SNRPF: variants seen among roughly 807,000 people sequenced by gnomAD.
SNRPF encodes small nuclear ribonucleoprotein F.
Under a neutral mutation model 13.4 loss-of-function variants are expected in SNRPF, and 1 was observed. That is an observed-to-expected ratio of 0.07 (90% confidence interval 0.03 to 0.35). SNRPF has a LOEUF of 0.35. SNRPF is among the 10% of genes least tolerant of loss of function. The pLI, the probability that SNRPF is intolerant of heterozygous loss-of-function variation, is 0.99. For synonymous variants in SNRPF, 27 were observed against 32.1 expected (o/e 0.84, Z 0.54); for missense variants, 53 against 101.0 (o/e 0.52, Z 2.04).
chr12:95,862,632 A>G (rs1250313419), intron 2 of SNRPF, among the ~76,000 whole-genome samples: 1 of 152,110 alleles, frequency 6.6e-6, no homozygotes, highest in African/African-American at 2.4e-5. Flanking sequence ...TGGGAGGATT[A>G]CCTGAGCCTG....
At position 95,866,086 on chromosome 12, in the gene SNRPF, GA is replaced by G. The variant is rs2079519955; in HGVS notation, c.*16del. ...TGAGAGAATAGCATCTTTTGTGGGG[GA>G]TTTTTTTTATATATATTTCTAGACA... On this transcript the variant is annotated 3_prime_UTR_variant, in exon 4 of 4. Transcript: ENST00000266735. The G allele has an allele frequency of 7.6e-7, 1 of 1,322,920 alleles. No individual in the cohort carries two copies. 81.9% of individuals were successfully genotyped at this position (1,322,920 alleles called of 1,614,324 possible).
At chr12:95,860,635 G>A (rs969378083) in intron 1 of SNRPF, among the ~76,000 whole-genome samples, 2 of 152,062 alleles carry the variant, frequency 1.3e-5, no homozygotes, top group Admixed American at 6.6e-5. Flanking sequence ...ATAGCTCACT[G>A]CAGCCTCGAG....
In SNRPF at chr12:95,865,189, T is replaced by C. The variant is rs1411743591; in HGVS notation, c.130-135T>C. The C allele has an allele frequency of 6.9e-6, 3 of 435,642 alleles. No homozygotes were observed. In the East Asian group the frequency reaches 1.0e-4, roughly 15 times the overall value. The allele number at this position is 435,642 out of a possible 1,614,324, so 27.0% of individuals were successfully genotyped here. Reference sequence around the variant, plus strand: ...CAATAGTAATAGAAAGCTCATCTTCTGTTTATTAATTATAGATAAATTTGA... The same window carrying C: ...CAATAGTAATAGAAAGCTCATCTTCCGTTTATTAATTATAGATAAATTTGA... On this transcript the variant is annotated intron_variant, in intron 2 of 3. Transcript: ENST00000266735.
intron 1 of SNRPF, among the ~76,000 whole-genome samples, chr12:95,859,778 G>T (rs1592744884): frequency 1.3e-5 from 2 of 152,310 alleles, no homozygotes; most frequent in African/African-American, 2.4e-5. Flanking sequence ...AGGAGCAGGC[G>T]TTGGGCAGGA....
chr12:95,863,055 C>T (rs959949214), intron 2 of SNRPF, among the ~76,000 whole-genome samples: 20 of 151,908 alleles, frequency 1.3e-4, no homozygotes, highest in African/African-American at 4.4e-4. Context: ...TAAAGGCTAT[C>T]AAGACAGGTG....
chr12:95,861,529 A>G (rs3751264), intron 2 of SNRPF: 33,774 of 322,648 alleles, frequency 0.1, 2,334 homozygotes, highest in South Asian at 0.23. Flanking sequence ...GGAAGAGCTC[A>G]GACACTTGAT....
chr12:95,859,150 G>A, intron 1 of SNRPF, 74 bp downstream of exon 1: 1 of 1,315,694 alleles, frequency 7.6e-7, no homozygotes, highest in Non-Finnish European at 1.1e-6. Context: ...GGGCCTGCTG[G>A]TTCCTTCGCG....
chr12:95,860,329 T>G (rs2121390055), intron 1 of SNRPF, among the ~76,000 whole-genome samples: 1 of 152,334 alleles, frequency 6.6e-6, no homozygotes, highest in African/African-American at 2.4e-5. Context: ...TCCTTTTACA[T>G]AAGTAGCTAG....
chr12:95,863,514 G>A (rs546530092), intron 2 of SNRPF, among the ~76,000 whole-genome samples: 101 of 152,198 alleles, frequency 6.6e-4, no homozygotes, highest in Non-Finnish European at 1.1e-3. Context: ...CAACCATATT[G>A]ATACCAGTGT....
intron 1 of SNRPF, 66 bp downstream of exon 1, chr12:95,859,142 G>T (rs1311168888): frequency 7.1e-7 from 1 of 1,399,258 alleles, no homozygotes; most frequent in Non-Finnish European, 1.0e-6. Flanking sequence ...GCCTCGCGGG[G>T]CCTGCTGGTT....
chr12:95,865,310 C>A lies in SNRPF; in HGVS notation c.130-14C>A, dbSNP rs1477366168. 2.2e-6 allele frequency: 3 copies of A among 1,377,720 alleles called. No homozygotes were observed. Among genetic ancestry groups the A allele is most frequent in the African/African-American group, 1.4e-5 (1 of 70,348 alleles). The allele number at this position is 1,377,720 out of a possible 1,614,324, so 85.3% of individuals were successfully genotyped here. ...CCTGTGTGATTATACTAATATATTT[C>A]TTTTTATTGAAAGCTTGCAAATACA... On this transcript the variant is annotated splice_polypyrimidine_tract_variant and intron_variant, in intron 2 of 3. Coordinates refer to ENST00000266735, the MANE Select transcript of SNRPF (RefSeq NM_003095.5).
chr12:95,863,342 C>T (rs1182395693), intron 2 of SNRPF, among the ~76,000 whole-genome samples: 1 of 152,098 alleles, frequency 6.6e-6, no homozygotes, highest in African/African-American at 2.4e-5. Context: ...ATACTGAAAA[C>T]CACTGAATTG....
chr12:95,861,896 T>C (rs1222384503), intron 2 of SNRPF: 2 of 152,256 alleles, frequency 1.3e-5, no homozygotes, highest in Middle Eastern at 3.2e-3. Flanking sequence ...ACCTTCACAT[T>C]GTTCTGCAGC....
chr12:95,862,783 C>G (rs551917748), intron 2 of SNRPF, among the ~76,000 whole-genome samples: 7 of 152,070 alleles, frequency 4.6e-5, no homozygotes, highest in African/African-American at 1.7e-4. Context: ...CAATGCACAA[C>G]GGTTCCAGTT....
At chr12:95,860,736 A>T (rs1483023699) in intron 1 of SNRPF, among the ~76,000 whole-genome samples, 3 of 150,748 alleles carry the variant, frequency 2.0e-5, no homozygotes, top group Non-Finnish European at 4.4e-5. Context: ...TTTGGTAGAG[A>T]TGGGGGTCTC....
chr12:95,865,208 A>C, intron 2 of SNRPF, 116 bp from the exon 3 acceptor site: 1 of 462,744 alleles, frequency 2.2e-6, no homozygotes, highest in Non-Finnish European at 3.9e-6. Flanking sequence ...ATTATAGATA[A>C]ATTTGAGTTG....
At chr12:95,862,770 C>G (rs1317811045) in intron 2 of SNRPF, among the ~76,000 whole-genome samples, 1 of 152,068 alleles carries the variant, frequency 6.6e-6, no homozygotes, top group Admixed American at 6.6e-5. Flanking sequence ...ACATACCCAC[C>G]AGCAATGCAC....
intron 1 of SNRPF, 62 bp downstream of exon 1, chr12:95,859,138 C>A: frequency 7.0e-7 from 1 of 1,433,110 alleles, no homozygotes; most frequent in Non-Finnish European, 9.8e-7. Context: ...ACCAGCCTCG[C>A]GGGGCCTGCT....
At chr12:95,863,527 G>A (rs1405516092) in intron 2 of SNRPF, among the ~76,000 whole-genome samples, 1 of 152,192 alleles carries the variant, frequency 6.6e-6, no homozygotes, top group East Asian at 1.9e-4. Context: ...ACCAGTGTTT[G>A]AATTTGTTCA....
Sources: allele counts gnomAD v4.1 joint callset (sites outside exome capture counted in the v4.1 genomes callset), GRCh38; gene constraint gnomAD v4.1.1; transcripts MANE v1.5; gene names NCBI Gene and HGNC (gene_info 2026-07-23, HGNC 2026-07-21).